Variants in CADPS2 observed in about 807,000 individuals in gnomAD.
CADPS2 encodes the protein calcium dependent secretion activator 2, also known as calcium-dependent secretion activator 2.
Under a neutral mutation model 172.5 loss-of-function variants are expected in CADPS2, and 93 were observed. That is an observed-to-expected ratio of 0.54 (90% CI 0.46 to 0.64). The LOEUF is 0.64. CADPS2 is among the 30% of genes least tolerant of loss of function. CADPS2 has a pLI of 0.00. For missense variants in CADPS2, 1,420 were observed against 1,565.9 expected (o/e 0.91, Z 1.57); for synonymous variants, 546 against 555.2 (o/e 0.98, Z 0.23).
chr7:122,667,478 A>T (rs926207545), intron 2 of CADPS2, among the ~76,000 whole-genome samples: 1 of 152,174 alleles, frequency 6.6e-6, no homozygotes, highest in Non-Finnish European at 1.5e-5. Flanking sequence ...TACTCAATCC[A>T]ATTAGATGTA....
At chr7:122,708,996 C>A (rs2088163334) in intron 2 of CADPS2, among the ~76,000 whole-genome samples, 2 of 151,966 alleles carry the variant, frequency 1.3e-5, no homozygotes, top group Admixed American at 1.3e-4. Context: ...TTAACTCAAC[C>A]ATTTAGACTG....
chr7:122,481,382 T>C (rs116099484), intron 11 of CADPS2, among the ~76,000 whole-genome samples: 4,674 of 152,230 alleles, frequency 0.031, 211 homozygotes, highest in African/African-American at 0.11. Flanking sequence ...AATTCAGTTC[T>C]CATAGCCTGA....
At chr7:122,340,125 C>T (rs1229538054) in intron 28 of CADPS2, among the ~76,000 whole-genome samples, 1 of 152,078 alleles carries the variant, frequency 6.6e-6, no homozygotes, top group Non-Finnish European at 1.5e-5. Flanking sequence ...ATTCTTTTCA[C>T]AGAAAGTCCT....
chr7:122,855,467 A>G (rs1814927796), intron 1 of CADPS2, among the ~76,000 whole-genome samples: 2 of 152,206 alleles, frequency 1.3e-5, no homozygotes, highest in Admixed American at 1.3e-4. Flanking sequence ...CACTATAAGC[A>G]CACCCAAGAA....
chr7:122,809,784 A>G (rs1799627414), intron 1 of CADPS2, among the ~76,000 whole-genome samples: 1 of 152,192 alleles, frequency 6.6e-6, no homozygotes, highest in Non-Finnish European at 1.5e-5. Context: ...GTATAAGTTC[A>G]TGCAAGTGTC....
At chr7:122,465,141 C>CAAT (rs2054971275) in intron 14 of CADPS2, among the ~76,000 whole-genome samples, 1 of 151,956 alleles carries the variant, frequency 6.6e-6, no homozygotes, top group Non-Finnish European at 1.5e-5. Flanking sequence ...TAAAAATGAA[C>CAAT]AATATTAGAC....
chr7:122,719,814 A>T (rs948811700), intron 2 of CADPS2, among the ~76,000 whole-genome samples: 1 of 152,252 alleles, frequency 6.6e-6, no homozygotes, highest in African/African-American at 2.4e-5. Context: ...CATGACTGAA[A>T]AAAAGGAAAA....
chr7:122,811,573 T>G (rs375462512), intron 1 of CADPS2, among the ~76,000 whole-genome samples: 1 of 152,164 alleles, frequency 6.6e-6, no homozygotes, highest in Non-Finnish European at 1.5e-5. Context: ...TAAGATAATA[T>G]ACCTGCCAGC....
rs2151165528 is a variant in CADPS2, at chr7:122,363,534, GT to G, written c.3388-2522del. 1.3e-5 allele frequency among the ~76,000 whole-genome samples: 2 copies of G among 151,022 alleles called. 1 individual carries two copies. Among genetic ancestry groups the G allele is most frequent in the South Asian group, 4.2e-4 (2 of 4,710 alleles). Reference sequence around the variant, plus strand: ...AAAGCAAGATAGAGGCAGGGAGCCTGTTGATGAATTTACTTCTTGGCTCAAG... The same window carrying G: ...AAAGCAAGATAGAGGCAGGGAGCCTGTGATGAATTTACTTCTTGGCTCAAG... On this transcript the variant is annotated intron_variant, in intron 25 of 29. Transcript: ENST00000449022.
In CADPS2 at chr7:122,848,958, A is replaced by T. The variant is rs1812770595; in HGVS notation, c.339+37041T>A. On this transcript the variant is annotated intron_variant, in intron 1 of 29. Coordinates refer to ENST00000449022, the MANE Select transcript of CADPS2 (RefSeq NM_017954.11). ...TTGGAACAGCTTTTCATATTCTATT[A>T]AGAGTTTTCATGCAAAGGCATGAAA... is the stretch of plus-strand genomic sequence containing the variant. 1.3e-5 allele frequency among the ~76,000 whole-genome samples: 2 copies of T among 152,206 alleles called. 1 individual carries two copies. The highest frequency in any genetic ancestry group is 2.9e-5 in the Non-Finnish European group (2 of 68,034).
intron 25 of CADPS2, among the ~76,000 whole-genome samples, chr7:122,374,285 T>G (rs931853991): frequency 4.6e-5 from 7 of 152,130 alleles, no homozygotes; most frequent in Non-Finnish European, 1.0e-4. Flanking sequence ...AAGCTCACAG[T>G]TGACATCATA....
At chr7:122,680,822 A>G (rs1283468596) in intron 2 of CADPS2, among the ~76,000 whole-genome samples, 1 of 152,172 alleles carries the variant, frequency 6.6e-6, no homozygotes, top group African/African-American at 2.4e-5. Context: ...ATAAAGACAC[A>G]GGCACACGTA....
intron 3 of CADPS2, among the ~76,000 whole-genome samples, chr7:122,653,628 G>A (rs1588149906): frequency 6.6e-6 from 1 of 152,048 alleles, no homozygotes; most frequent in East Asian, 1.9e-4. Flanking sequence ...GAAGGTCTGT[G>A]GCAATCCTGA....
chr7:122,381,825 G>C (rs1474954812), intron 24 of CADPS2, among the ~76,000 whole-genome samples: 1 of 152,022 alleles, frequency 6.6e-6, no homozygotes, highest in Non-Finnish European at 1.5e-5. Flanking sequence ...AAAAACAAAG[G>C]AATAAAGAAG....
chr7:122,591,728 A>C (rs535360421), intron 6 of CADPS2, among the ~76,000 whole-genome samples: 13 of 152,172 alleles, frequency 8.5e-5, no homozygotes, highest in South Asian at 4.1e-4. Flanking sequence ...CAAAAACAAG[A>C]AATGGGGAAA....
intron 24 of CADPS2, among the ~76,000 whole-genome samples, chr7:122,385,740 C>T (rs1377347813): frequency 1.3e-5 from 2 of 151,958 alleles, no homozygotes; most frequent in Non-Finnish European, 2.9e-5. Context: ...ACATCCTAGG[C>T]CATGAGTGGG....
At chr7:122,327,590 C>G (rs1333923866) in intron 28 of CADPS2, among the ~76,000 whole-genome samples, 1 of 152,000 alleles carries the variant, frequency 6.6e-6, no homozygotes, top group East Asian at 1.9e-4. Flanking sequence ...ACTCTATATG[C>G]ATCTTTATGT....
chr7:122,822,976 T>TC lies in CADPS2; in HGVS notation c.339+63022dup, dbSNP rs796979843. Among the ~76,000 whole-genome samples, 71 of 152,280 alleles carry TC rather than the reference T, an allele frequency of 4.7e-4. 1 individual carries two copies. The highest frequency in any genetic ancestry group is 1.6e-3 in the African/African-American group (65 of 41,556). On this transcript the variant is annotated intron_variant, in intron 1 of 29. Transcript: ENST00000449022. ...TGCTCACACAAAGCCTGTTTGGTGG[T>TC]CTCTTCACATGGACACGCATGAAAA...
intron 1 of CADPS2, among the ~76,000 whole-genome samples, chr7:122,854,909 C>A (rs2428915): frequency 0.2 from 30,205 of 152,090 alleles, 3,743 homozygotes; most frequent in African/African-American, 0.35. Flanking sequence ...TATAAAAGGA[C>A]ATCACTATAT....
Sources: gnomAD v4.1 joint callset for allele counts (sites outside exome capture counted in the v4.1 genomes callset) on GRCh38, gnomAD v4.1.1 for gene constraint, MANE v1.5 for transcripts, NCBI Gene and HGNC (gene_info 2026-07-23, HGNC 2026-07-21) for gene names.